The following SUGCT variants were observed in gnomAD, a reference collection of about 807,000 sequenced individuals.
SUGCT encodes the protein succinyl-CoA:glutarate-CoA transferase.
A neutral mutation model predicts 55.0 loss-of-function variants in SUGCT; 41 were observed. That is an observed-to-expected ratio of 0.74 (90% CI 0.58 to 0.97). SUGCT has a LOEUF of 0.97. SUGCT is among the 50% of genes least tolerant of loss of function. SUGCT has a pLI of 0.00. For synonymous variants in SUGCT, 187 were observed against 200.4 expected (o/e 0.93, Z 0.56); for missense variants, 568 against 547.8 (o/e 1.04, Z -0.37).
intron 12 of SUGCT, among the ~76,000 whole-genome samples, chr7:40,566,227 A>C (rs930765129): frequency 2.6e-5 from 4 of 152,168 alleles, no homozygotes; most frequent in African/African-American, 9.7e-5. Context: ...AAGGAGATTC[A>C]ATCATATGTT....
chr7:40,501,928 A>G (rs561827576), intron 12 of SUGCT, among the ~76,000 whole-genome samples: 4 of 152,068 alleles, frequency 2.6e-5, no homozygotes, highest in Non-Finnish European at 5.9e-5. Flanking sequence ...AAAAATTTAA[A>G]ATGTCTTAAG....
intron 9 of SUGCT, among the ~76,000 whole-genome samples, chr7:40,347,148 G>T (rs1408613233): frequency 3.9e-5 from 6 of 152,186 alleles, no homozygotes; most frequent in Non-Finnish European, 1.5e-5. Context: ...TGAAGCAATT[G>T]TTGGTAGAAG....
At chr7:40,549,744 G>A (rs535202242) in intron 12 of SUGCT, among the ~76,000 whole-genome samples, 1 of 152,152 alleles carries the variant, frequency 6.6e-6, no homozygotes, top group Admixed American at 6.5e-5. Context: ...AGCATGAGGA[G>A]GCAGTATAGA....
chr7:40,403,674 T>A (rs1005236003), intron 9 of SUGCT, among the ~76,000 whole-genome samples: 2 of 152,120 alleles, frequency 1.3e-5, no homozygotes, highest in African/African-American at 4.8e-5. Flanking sequence ...AAACTTTGAG[T>A]TTCTGAGGCT....
the SUGCT span, among the ~76,000 whole-genome samples, chr7:40,926,625 T>A: frequency 6.6e-6 from 1 of 152,222 alleles, no homozygotes; most frequent in Admixed American, 6.5e-5. Context: ...ATGGTGAGAT[T>A]AGTGTGTTTA....
In SUGCT at chr7:40,749,497, G is replaced by C. The variant is rs1166258671; in HGVS notation, c.1153G>C (p.Gly385Arg). 1.5e-5 allele frequency: 25 copies of C among 1,613,040 alleles called. No individual in the cohort carries two copies. Among genetic ancestry groups the C allele is most frequent in the Non-Finnish European group, 2.0e-5 (23 of 1,179,234 alleles). ...AACTGTGGGGAAGATTTCCGTCCCA[G>C]GTCTGAAAAGTTTTGGTATTTTCTC... ...HPTVGKISVPGPAVRYSKFKM... is the reference protein window; with the variant it reads ...HPTVGKISVPRPAVRYSKFKM... The change falls in exon 13 of 14, where the codon GGC becomes CGC. Residue 385 changes from glycine to arginine, a missense_variant and splice_region_variant. Transcript: ENST00000335693.
chr7:41,004,408 T>A, the SUGCT span, among the ~76,000 whole-genome samples: 1 of 152,238 alleles, frequency 6.6e-6, no homozygotes, highest in African/African-American at 2.4e-5. Context: ...ATTTGCTATT[T>A]TTTGAGCAAT....
At chr7:40,168,302 G>A (rs867920784) in intron 1 of SUGCT, among the ~76,000 whole-genome samples, 156 of 152,278 alleles carry the variant, frequency 1.0e-3, no homozygotes, top group African/African-American at 3.5e-3. Context: ...GCTGAATTGG[G>A]GCGTAGTAGG....
chr7:40,301,417 G>A (rs1028444910), intron 8 of SUGCT, among the ~76,000 whole-genome samples: 1 of 152,194 alleles, frequency 6.6e-6, no homozygotes, highest in African/African-American at 2.4e-5. Flanking sequence ...TTGGCATTAT[G>A]TACCTGTATT....
intron 12 of SUGCT, among the ~76,000 whole-genome samples, chr7:40,630,211 T>C (rs1465200014): frequency 6.6e-6 from 1 of 152,208 alleles, no homozygotes. Context: ...CTACTATTTC[T>C]CCTTCAGTGA....
intron 12 of SUGCT, among the ~76,000 whole-genome samples, chr7:40,621,643 G>C (rs569766366): frequency 6.6e-5 from 10 of 152,270 alleles, no homozygotes; most frequent in South Asian, 2.1e-4. Context: ...AAGGAAGAAG[G>C]GGGTGTTTCA....
At chr7:40,483,926 A>G (rs1240317464) in intron 11 of SUGCT, among the ~76,000 whole-genome samples, 1 of 152,200 alleles carries the variant, frequency 6.6e-6, no homozygotes, top group Non-Finnish European at 1.5e-5. Flanking sequence ...ATACAGCTGA[A>G]AATGTGTCTA....
At chr7:40,146,635 T>G (rs893184287) in intron 1 of SUGCT, among the ~76,000 whole-genome samples, 1 of 152,254 alleles carries the variant, frequency 6.6e-6, no homozygotes, top group Non-Finnish European at 1.5e-5. Flanking sequence ...ATGCTATTGT[T>G]TGTGGTTTAA....
At chr7:40,384,619 T>C (rs141050815) in intron 9 of SUGCT, among the ~76,000 whole-genome samples, 116 of 152,046 alleles carry the variant, frequency 7.6e-4, no homozygotes, top group Non-Finnish European at 1.4e-3. Context: ...AGCATGATCT[T>C]GGCTCACTGC....
At chr7:40,292,391 G>A (rs935715363) in intron 8 of SUGCT, among the ~76,000 whole-genome samples, 2 of 152,064 alleles carry the variant, frequency 1.3e-5, no homozygotes, top group Non-Finnish European at 2.9e-5. Context: ...AGTTCAATCA[G>A]TTCTTCCTGA....
chr7:40,722,824 G>T (rs1786414405), intron 12 of SUGCT, among the ~76,000 whole-genome samples: 1 of 151,602 alleles, frequency 6.6e-6, no homozygotes, highest in Non-Finnish European at 1.5e-5. Flanking sequence ...CTATTTTCTT[G>T]GTCAATAAAA....
the SUGCT span, among the ~76,000 whole-genome samples, chr7:41,024,155 A>T: frequency 0.039 from 5,865 of 152,332 alleles, 155 homozygotes; most frequent in South Asian, 0.09. Flanking sequence ...TCAGAAAAAC[A>T]TAAAGTTAGA....
chr7:40,931,149 C>G, the SUGCT span, among the ~76,000 whole-genome samples: 1 of 152,172 alleles, frequency 6.6e-6, no homozygotes, highest in Non-Finnish European at 1.5e-5. Flanking sequence ...TGAATTTTGT[C>G]AAAGGCCTTT....
chr7:40,847,889 G>A (rs980801450), intron 13 of SUGCT, among the ~76,000 whole-genome samples: 8 of 152,126 alleles, frequency 5.3e-5, no homozygotes, highest in African/African-American at 1.7e-4. Context: ...AGGCTGAGTC[G>A]TGCAATGCCC....
Sources: gnomAD v4.1 joint callset for allele counts (sites outside exome capture counted in the v4.1 genomes callset) on GRCh38, gnomAD v4.1.1 for gene constraint, MANE v1.5 for transcripts, NCBI Gene and HGNC (gene_info 2026-07-23, HGNC 2026-07-21) for gene names.